The following SLC5A7 variants were observed in gnomAD, a reference collection of about 807,000 sequenced individuals.
SLC5A7 encodes the protein high affinity choline transporter 1.
A neutral mutation model predicts 55.4 loss-of-function variants in SLC5A7; 19 were observed. That is an observed-to-expected ratio of 0.34 (90% confidence interval 0.24 to 0.50). The LOEUF (loss-of-function observed/expected upper bound fraction) is 0.50, where lower values mean the gene tolerates loss of function less well. Ranked by LOEUF, SLC5A7 falls within the 20% of genes least tolerant of loss-of-function variation. The probability of loss-of-function intolerance (pLI) is 0.98; values close to 1 mark genes in which losing one functional copy is unlikely to be tolerated. For missense variants in SLC5A7, 506 were observed against 705.3 expected (o/e 0.72, Z 3.20); for synonymous variants, 265 against 263.7 (o/e 1.00, Z -0.05).
Position 107,997,899 on chromosome 2 carries a change from C to T in SLC5A7, c.510C>T (p.Leu170=). The change falls in exon 5 of 9, where the codon CTC becomes CTT. Residue 170 remains leucine (L), a synonymous_variant. Coordinates refer to ENST00000264047, the MANE Select transcript of SLC5A7 (RefSeq NM_021815.5). ...ACATTTCTGTCATCATCTCTGCACT[C>T]ATTGCCACTCTGTACACACTGGTGG... is the stretch of plus-strand genomic sequence containing the variant. The part of the protein sequence containing the change: ...DMHISVIISA[L]IATLYTLVGG... 1 of 1,614,030 alleles carries T rather than the reference C, an allele frequency of 6.2e-7. No individual in the cohort carries two copies. The highest frequency in any genetic ancestry group is 8.5e-7 in the Non-Finnish European group (1 of 1,179,922).
intron 7 of SLC5A7, 22 bp downstream of exon 7, chr2:108,006,224 C>T: frequency 6.2e-7 from 1 of 1,612,900 alleles, no homozygotes; most frequent in Non-Finnish European, 8.5e-7. Flanking sequence ...GCAGCTTCAC[C>T]ACATGTGCCA....
chr2:107,988,545 T>C lies in SLC5A7; in HGVS notation c.178+212T>C, dbSNP rs1206455737. On this transcript the variant is annotated intron_variant, in intron 2 of 8. Coordinates refer to ENST00000264047, the MANE Select transcript of SLC5A7 (RefSeq NM_021815.5). ...CAACTCAGTAGTACTTGAACAAAAA[T>C]GATTTTATAATAAATCACTGGACTG... Among the ~76,000 whole-genome samples, 3 of 152,354 alleles carry C rather than the reference T, an allele frequency of 2.0e-5. No homozygotes were observed. The East Asian group carries it at 5.8e-4, about 29-fold the overall frequency.
At chr2:108,003,851 A>G (rs1194991588) in intron 6 of SLC5A7, among the ~76,000 whole-genome samples, 2 of 152,148 alleles carry the variant, frequency 1.3e-5, no homozygotes, top group Admixed American at 1.3e-4. Flanking sequence ...GCAGAATATA[A>G]TTTTTATAAT....
At chr2:108,005,205 G>A (rs758838542) in intron 6 of SLC5A7, among the ~76,000 whole-genome samples, 4 of 152,096 alleles carry the variant, frequency 2.6e-5, no homozygotes, top group Admixed American at 6.5e-5. Flanking sequence ...TGCTCACTGC[G>A]GAAAACACCA....
In SLC5A7 at chr2:108,006,153, G is replaced by A; in HGVS notation, c.846G>A (p.Leu282=). The change falls in exon 7 of 9, where the codon CTG becomes CTA. Residue 282 remains leucine, a synonymous_variant. Transcript: ENST00000264047. ...VLSFLAAFGC[L]VMAIPAILIG... Reference sequence around the variant, plus strand: ...CCTTCCTGGCAGCTTTCGGGTGCCTGGTGATGGCCATCCCAGCCATACTCA... The same window carrying A: ...CCTTCCTGGCAGCTTTCGGGTGCCTAGTGATGGCCATCCCAGCCATACTCA... 1 of 1,614,022 alleles carries A rather than the reference G, an allele frequency of 6.2e-7. No homozygotes were observed. The highest frequency in any genetic ancestry group is 1.1e-5 in the South Asian group (1 of 91,074).
chr2:108,005,275 T>C (rs972943738), intron 6 of SLC5A7, among the ~76,000 whole-genome samples: 4 of 152,202 alleles, frequency 2.6e-5, no homozygotes, highest in East Asian at 1.9e-4. Flanking sequence ...CTTATTCATG[T>C]TTTTGCTCTT....
Position 107,995,477 on chromosome 2 carries a change from G to C in SLC5A7, c.448+2350G>C, listed in dbSNP as rs541090743. On this transcript the variant is annotated intron_variant, in intron 4 of 8. Coordinates refer to ENST00000264047, the MANE Select transcript of SLC5A7 (RefSeq NM_021815.5). ...AGAGAGAGAGAGAGAGAGAGTGTGTGTGTGTGTGTGTGTGTGTGTGTGTGA... is the reference window on the plus strand; with the variant it reads ...AGAGAGAGAGAGAGAGAGAGTGTGTCTGTGTGTGTGTGTGTGTGTGTGTGA... Among the ~76,000 whole-genome samples, 483 of 144,986 alleles carry C rather than the reference G, an allele frequency of 3.3e-3. 4 individuals carry two copies. Among genetic ancestry groups the C allele is most frequent in the Non-Finnish European group, 5.1e-3 (330 of 64,124 alleles).
chr2:107,992,835 G>T, intron 3 of SLC5A7, 137 bp from the exon 4 acceptor site: 1 of 753,456 alleles, frequency 1.3e-6, no homozygotes, highest in Non-Finnish European at 2.1e-6. Context: ...ATAGTAGGTT[G>T]GTACTGTGTG....
At chr2:107,993,181 A>C in intron 4 of SLC5A7, 54 bp downstream of exon 4, 1 of 1,595,740 alleles carries the variant, frequency 6.3e-7, no homozygotes, top group Non-Finnish European at 8.6e-7. Flanking sequence ...TAAACATCAG[A>C]TACACAACCT....
chr2:108,000,554 A>G (rs1056962526), intron 5 of SLC5A7, among the ~76,000 whole-genome samples: 4 of 152,220 alleles, frequency 2.6e-5, no homozygotes, highest in South Asian at 4.1e-4. Context: ...AACAGTGGCT[A>G]CCCAAAGTGC....
rs771452848 is a variant in SLC5A7, at chr2:108,011,029, G to A, written c.*168G>A. On this transcript the variant is annotated 3_prime_UTR_variant, in exon 9 of 9. Coordinates refer to ENST00000264047, the MANE Select transcript of SLC5A7 (RefSeq NM_021815.5). Reference sequence around the variant, plus strand: ...CAAATACAAGCCAAGCTAGAAGGAAGCACCTATGAAAGCAACAACTTTGTT... The same window carrying A: ...CAAATACAAGCCAAGCTAGAAGGAAACACCTATGAAAGCAACAACTTTGTT... 2 of 576,578 alleles carry A rather than the reference G, an allele frequency of 3.5e-6. No homozygotes were observed. Among genetic ancestry groups the A allele is most frequent in the Non-Finnish European group, 5.3e-6 (2 of 374,122 alleles). The allele number at this position is 576,578 out of a possible 1,614,324, so 35.7% of individuals were successfully genotyped here. A position where few individuals can be genotyped will look rare whatever the true frequency, so the allele number is the denominator to read the frequency against.
intron 6 of SLC5A7, among the ~76,000 whole-genome samples, chr2:108,003,656 C>T (rs1188140815): frequency 2.0e-5 from 3 of 152,052 alleles, no homozygotes; most frequent in African/African-American, 7.3e-5. Flanking sequence ...CCCACTGTAC[C>T]CATGTTTGCT....
chr2:108,002,174 C>G, intron 6 of SLC5A7, 134 bp downstream of exon 6: 1 of 1,072,828 alleles, frequency 9.3e-7, no homozygotes, highest in South Asian at 1.6e-5. Context: ...GACTCTCTAT[C>G]GGGAGGGTGG....
At chr2:107,994,747 G>A (rs189119709) in intron 4 of SLC5A7, among the ~76,000 whole-genome samples, 37 of 152,210 alleles carry the variant, frequency 2.4e-4, no homozygotes, top group African/African-American at 8.7e-4. Flanking sequence ...TGCATTGGGC[G>A]CTTGTTTGCC....
chr2:107,996,016 T>C lies in SLC5A7; in HGVS notation c.449-1822T>C, dbSNP rs375171238. Among the ~76,000 whole-genome samples the C allele has an allele frequency of 1.8e-4, 27 of 152,254 alleles. No homozygotes were observed. In the East Asian group the frequency reaches 2.5e-3, roughly 14 times the overall value. The stretch of plus-strand genomic sequence containing the variant: ...AGTGATAATGGAGAAGTGATTGACG[T>C]CTCTAATATCTCTGAGTTACAGTTA... On this transcript the variant is annotated intron_variant, in intron 4 of 8. Transcript: ENST00000264047.
intron 2 of SLC5A7, 67 bp from the exon 3 acceptor site, chr2:107,992,038 GT>G: frequency 1.1e-6 from 1 of 931,194 alleles, no homozygotes; most frequent in South Asian, 1.6e-5. Context: ...GTAGCCACTG[GT>G]TTGGCAGGCA....
Position 107,997,922 on chromosome 2 carries a change from T to A in SLC5A7, c.533T>A (p.Val178Glu). ...CTCATTGCCACTCTGTACACACTGG[T>A]GGGAGGGCTCTATTCTGTGGCCTAC... is the stretch of plus-strand genomic sequence containing the variant. ...SALIATLYTLVGGLYSVAYTD... is the reference protein window; with the variant it reads ...SALIATLYTLEGGLYSVAYTD... The change falls in exon 5 of 9, where the codon GTG becomes GAG. Residue 178 changes from valine to glutamate, a missense_variant. Physicochemically the swap from Val to Glu is moderately radical, Grantham distance 121. Around this residue, in one of 4 missense-constraint regions of SLC5A7, gnomAD observed 309 missense variants for 478.6 expected, o/e 0.65. Coordinates refer to ENST00000264047, the MANE Select transcript of SLC5A7 (RefSeq NM_021815.5). 1.2e-6 allele frequency: 2 copies of A among 1,614,068 alleles called. No individual in the cohort carries two copies. The highest frequency in any genetic ancestry group is 1.7e-6 in the Non-Finnish European group (2 of 1,179,954).
intron 4 of SLC5A7, among the ~76,000 whole-genome samples, chr2:107,995,840 T>G (rs921804422): frequency 5.3e-5 from 8 of 152,130 alleles, no homozygotes; most frequent in African/African-American, 1.9e-4. Flanking sequence ...TCAAGTTCAG[T>G]GGATTTTCAT....
intron 7 of SLC5A7, among the ~76,000 whole-genome samples, chr2:108,007,535 G>C (rs1219052063): frequency 6.6e-6 from 1 of 151,650 alleles, no homozygotes; most frequent in Non-Finnish European, 1.5e-5. Context: ...AGGAACACAG[G>C]CTAACAGAAA....
Sources: gnomAD v4.1 joint callset for allele counts (sites outside exome capture counted in the v4.1 genomes callset) on GRCh38, gnomAD v4.1.1 for gene constraint, gnomAD v4.1.1 regional missense constraint, MANE v1.5 for transcripts, NCBI Gene and HGNC (gene_info 2026-07-23, HGNC 2026-07-21) for gene names.